Variants in NRP1 observed in about 807,000 individuals in gnomAD.
NRP1 encodes neuropilin-1.
Under a neutral mutation model 106.7 loss-of-function variants are expected in NRP1, and 35 were observed. That is an observed-to-expected ratio of 0.33 (90% CI 0.25 to 0.43). NRP1 has a LOEUF of 0.43. Among genes scored for constraint, NRP1 ranks in the 20% least tolerant of loss-of-function variants. The pLI is 1.00. For synonymous variants in NRP1, 437 were observed against 417.9 expected (o/e 1.05, Z -0.56); for missense variants, 1,024 against 1,170.4 (o/e 0.87, Z 1.83).
At chr10:33,187,665 TG>T (rs1189767384) in intron 13 of NRP1, among the ~76,000 whole-genome samples, 1 of 152,222 alleles carries the variant, frequency 6.6e-6, no homozygotes, top group Non-Finnish European at 1.5e-5. Flanking sequence ...GTTTCACTGT[TG>T]GCTCTGCAAA....
At position 33,254,271 on chromosome 10, in the gene NRP1, A is replaced by G; in HGVS notation, c.815-77T>C. ...GCATTTTTCTTTTTTAACTTGATAC[A>G]CCAAAGAGTTCTTTCATTCAAAATT... On this transcript the variant is annotated intron_variant, in intron 5 of 16. Coordinates refer to ENST00000374867, the MANE Select transcript of NRP1 (RefSeq NM_003873.7). 3 of 1,276,098 alleles carry G rather than the reference A, an allele frequency of 2.4e-6. No individual in the cohort carries two copies. The South Asian group carries it at 4.5e-5, about 19-fold the overall frequency. 79.0% of individuals were successfully genotyped at this position (1,276,098 alleles called of 1,614,324 possible).
At chr10:33,310,268 C>CGAGACA (rs1846500173) in intron 2 of NRP1, among the ~76,000 whole-genome samples, 1 of 16,060 alleles carries the variant, frequency 6.2e-5, no homozygotes, top group Non-Finnish European at 1.4e-4. Flanking sequence ...TTTTTTTTTT[C>CGAGACA]GAGACAGAGT....
intron 2 of NRP1, among the ~76,000 whole-genome samples, chr10:33,282,004 T>G (rs2133377553): frequency 6.6e-6 from 1 of 152,352 alleles, no homozygotes; most frequent in African/African-American, 2.4e-5. Context: ...CATAGCCTGA[T>G]ATTCTGAAAA....
rs939824293 is a variant in NRP1 at position 33,277,510 on chromosome 10, C to A, written c.249-6654G>T. 7.2e-5 allele frequency among the ~76,000 whole-genome samples: 11 copies of A among 152,384 alleles called. No homozygotes were observed. In the South Asian group the frequency reaches 1.9e-3, roughly 26 times the overall value. On this transcript the variant is annotated intron_variant, in intron 2 of 16. Transcript: ENST00000374867. ...CCAGCGCTGCCACCAGCGCTGCCAC[C>A]AGCCTGAGTGGCAATGCCCAGCTTC...
intron 9 of NRP1, among the ~76,000 whole-genome samples, chr10:33,209,734 C>A (rs1838139504): frequency 6.6e-6 from 1 of 152,226 alleles, no homozygotes; most frequent in Non-Finnish European, 1.5e-5. Context: ...GCCTTGGCCT[C>A]CTGAAGTGCT....
intron 6 of NRP1, among the ~76,000 whole-genome samples, chr10:33,243,097 C>CGGAG (rs1841143384): frequency 6.6e-6 from 1 of 152,096 alleles, no homozygotes; most frequent in Non-Finnish European, 1.5e-5. Flanking sequence ...ATCTTATCTC[C>CGGAG]CCCTGTGGGC....
At chr10:33,281,320 G>A (rs1311139665) in intron 2 of NRP1, among the ~76,000 whole-genome samples, 2 of 152,138 alleles carry the variant, frequency 1.3e-5, no homozygotes, top group African/African-American at 4.8e-5. Context: ...AAAGTGCTGA[G>A]ATTACAGGCG....
intron 8 of NRP1, among the ~76,000 whole-genome samples, chr10:33,216,873 A>G (rs1838823755): frequency 1.3e-5 from 2 of 152,182 alleles, no homozygotes; most frequent in Admixed American, 1.3e-4. Context: ...TGTTTTATAC[A>G]TAGTATTTGC....
chr10:33,205,025 C>T (rs564839066), intron 10 of NRP1, among the ~76,000 whole-genome samples: 1 of 152,206 alleles, frequency 6.6e-6, no homozygotes, highest in South Asian at 2.1e-4. Context: ...AGCCACCACA[C>T]CCGGCCTGTG....
intron 5 of NRP1, among the ~76,000 whole-genome samples, 200 bp downstream of exon 5, chr10:33,256,116 C>A (rs1842179468): frequency 6.6e-6 from 1 of 152,168 alleles, no homozygotes; most frequent in South Asian, 2.1e-4. Context: ...GCAGGCTTCT[C>A]ACCCACAATT....
chr10:33,318,383 C>T (rs1449309104), intron 2 of NRP1, among the ~76,000 whole-genome samples: 2 of 152,140 alleles, frequency 1.3e-5, no homozygotes, highest in Non-Finnish European at 2.9e-5. Flanking sequence ...CCTAATTCAC[C>T]AGAACTCTTT....
intron 6 of NRP1, among the ~76,000 whole-genome samples, chr10:33,247,843 C>T (rs1841538315): frequency 6.6e-6 from 1 of 152,166 alleles, no homozygotes; most frequent in African/African-American, 2.4e-5. Flanking sequence ...TGTGTAAGAC[C>T]GTGATTTCTC....
chr10:33,310,482 C>T (rs192189769), intron 2 of NRP1, among the ~76,000 whole-genome samples: 6 of 151,654 alleles, frequency 4.0e-5, no homozygotes, highest in Admixed American at 2.6e-4. Flanking sequence ...AACTCCTGAC[C>T]TCAAGTGATT....
At chr10:33,214,197 C>A (rs898924745) in intron 8 of NRP1, among the ~76,000 whole-genome samples, 1 of 152,110 alleles carries the variant, frequency 6.6e-6, no homozygotes, top group Admixed American at 6.5e-5. Context: ...TAGAGGACCT[C>A]CCAGGGGAGG....
intron 11 of NRP1, chr10:33,202,576 GTCTGAAAAT>G (rs1837416864): frequency 4.2e-6 from 6 of 1,419,278 alleles, no homozygotes; most frequent in South Asian, 1.5e-5. Context: ...TTGGGGGGGG[GTCTGAAAAT>G]AATGAAAATA....
At chr10:33,314,455 T>TA (rs573924329) in intron 2 of NRP1, among the ~76,000 whole-genome samples, 183 of 152,318 alleles carry the variant, frequency 1.2e-3, no homozygotes, top group African/African-American at 4.2e-3. Flanking sequence ...TGTTTGTTTC[T>TA]AAAATAGACA....
intron 6 of NRP1, among the ~76,000 whole-genome samples, chr10:33,229,905 C>T (rs1017399913): frequency 6.6e-6 from 1 of 152,102 alleles, no homozygotes; most frequent in East Asian, 1.9e-4. Context: ...TAAAACTCTG[C>T]AGATTCTCTT....
chr10:33,182,566 G>T, intron 16 of NRP1, 132 bp downstream of exon 16: 1 of 655,958 alleles, frequency 1.5e-6, no homozygotes, highest in Non-Finnish European at 2.6e-6. Flanking sequence ...CCAACCCAGG[G>T]CCATGGGCAT....
At chr10:33,265,348 T>G (rs1224810329) in intron 3 of NRP1, among the ~76,000 whole-genome samples, 1 of 152,222 alleles carries the variant, frequency 6.6e-6, no homozygotes, top group African/African-American at 2.4e-5. Context: ...TCACAGTGGC[T>G]TGAAGGCAGA....
Sources: allele counts gnomAD v4.1 joint callset (sites outside exome capture counted in the v4.1 genomes callset), GRCh38; gene constraint gnomAD v4.1.1; transcripts MANE v1.5; gene names NCBI Gene and HGNC (gene_info 2026-07-23, HGNC 2026-07-21).